The following CDH4 variants were observed in gnomAD, a reference collection of about 807,000 sequenced individuals.
The protein encoded by CDH4 is cadherin-4.
In CDH4, 33 loss-of-function variants were observed where a neutral mutation model predicts 86.0. That is an observed-to-expected ratio of 0.38 (90% confidence interval 0.29 to 0.51). The LOEUF (loss-of-function observed/expected upper bound fraction) is 0.51, where lower values mean the gene tolerates loss of function less well. Ranked by LOEUF, CDH4 falls within the 20% of genes least tolerant of loss-of-function variation. The probability of loss-of-function intolerance (pLI) is 0.86; values close to 1 mark genes in which losing one functional copy is unlikely to be tolerated. For synonymous variants in CDH4, 555 were observed against 549.4 expected (o/e 1.01, Z -0.14); for missense variants, 1,114 against 1,307.4 (o/e 0.85, Z 2.28).
At chr20:61,743,475 C>T in intron 2 of CDH4, 88 bp from the exon 3 acceptor site, 3 of 954,420 alleles carry the variant, frequency 3.1e-6, no homozygotes, top group Non-Finnish European at 4.9e-6. Flanking sequence ...CCACTGGGGG[C>T]CTGTAGGGCG....
intron 8 of CDH4, among the ~76,000 whole-genome samples, chr20:61,896,840 G>C (rs1286172519): frequency 1.3e-5 from 2 of 152,200 alleles, no homozygotes; most frequent in African/African-American, 2.4e-5. Flanking sequence ...GCGCAGCAGG[G>C]CTGCACCCAC....
intron 2 of CDH4, among the ~76,000 whole-genome samples, chr20:61,741,316 G>T (rs910467336): frequency 6.6e-6 from 1 of 152,182 alleles, no homozygotes; most frequent in Non-Finnish European, 1.5e-5. Context: ...CTTTGAGGGC[G>T]CTGTCATCAG....
At chr20:61,649,665 T>C (rs1056357057) in intron 2 of CDH4, among the ~76,000 whole-genome samples, 1 of 152,212 alleles carries the variant, frequency 6.6e-6, no homozygotes, top group Non-Finnish European at 1.5e-5. Flanking sequence ...GGGGGCTCGG[T>C]ATCCACTTTG....
At chr20:61,852,638 A>G in intron 5 of CDH4, 116 bp from the exon 6 acceptor site, 5 of 1,071,304 alleles carry the variant, frequency 4.7e-6, no homozygotes, top group Non-Finnish European at 5.1e-6. Flanking sequence ...CCCGGCCCCT[A>G]TAGCCAACCT....
At chr20:61,932,413 G>C (rs1418353716) in intron 13 of CDH4, among the ~76,000 whole-genome samples, 2 of 152,194 alleles carry the variant, frequency 1.3e-5, no homozygotes. Flanking sequence ...CACGCACACA[G>C]GCATGCATGC....
intron 2 of CDH4, among the ~76,000 whole-genome samples, chr20:61,295,089 A>G (rs912821713): frequency 9.9e-5 from 15 of 152,246 alleles, no homozygotes; most frequent in African/African-American, 3.6e-4. Flanking sequence ...TGTCGAAGGC[A>G]GGGAGTGTCA....
chr20:61,449,350 G>A (rs565634297), intron 2 of CDH4, among the ~76,000 whole-genome samples: 2 of 152,304 alleles, frequency 1.3e-5, no homozygotes, highest in South Asian at 4.1e-4. Flanking sequence ...ACATATTCCT[G>A]ATTCTCATGT....
In CDH4 at chr20:61,895,039, G is replaced by A. The variant is rs149158235; in HGVS notation, c.1180G>A (p.Ala394Thr). Residue 394 changes from alanine to threonine, a missense_variant, in exon 8 of 16, where the codon GCC becomes ACC. Around this residue, in one of 3 missense-constraint regions of CDH4, gnomAD observed 705 missense variants for 914.1 expected, o/e 0.77. Transcript: ENST00000614565. The part of the protein sequence containing the change: ...DVNDNPPEFT[A>T]STFAGEVPEN... ...GAATGACAACCCGCCAGAATTTACC[G>A]CCAGCACGGTGAGTCCCTCGAAGCT... 26 of 1,613,570 alleles carry A rather than the reference G, an allele frequency of 1.6e-5. No homozygotes were observed. Among genetic ancestry groups the A allele is most frequent in the African/African-American group, 4.0e-5 (3 of 74,946 alleles).
intron 2 of CDH4, among the ~76,000 whole-genome samples, chr20:61,345,933 C>T (rs1302600869): frequency 1.3e-5 from 2 of 152,210 alleles, no homozygotes; most frequent in African/African-American, 4.8e-5. Context: ...TGCTGAGCAC[C>T]TGCTGTGGAC....
intron 4 of CDH4, among the ~76,000 whole-genome samples, chr20:61,798,178 C>T (rs1202558500): frequency 1.3e-5 from 2 of 152,148 alleles, no homozygotes; most frequent in African/African-American, 2.4e-5. Flanking sequence ...CCATAACCCC[C>T]GCCCCGCCCG....
At chr20:61,486,541 C>T (rs572072755) in intron 2 of CDH4, among the ~76,000 whole-genome samples, 6 of 152,304 alleles carry the variant, frequency 3.9e-5, no homozygotes, top group Admixed American at 1.3e-4. Flanking sequence ...TTTTAACCAT[C>T]GTTGGAAATA....
rs149140875 is a variant in CDH4, at chr20:61,724,380, C to T, written c.170-19183C>T. ...CAGAACCCCGTGTCCCGCCAAGACT[C>T]CCCATGAAGGCCCTCACTTAGAAAA... On this transcript the variant is annotated intron_variant, in intron 2 of 15. Transcript: ENST00000614565. 4.1e-3 allele frequency among the ~76,000 whole-genome samples: 626 copies of T among 152,308 alleles called. 6 individuals are homozygous for T. Among genetic ancestry groups the T allele is most frequent in the Non-Finnish European group, 6.9e-3 (470 of 68,014 alleles).
intron 8 of CDH4, among the ~76,000 whole-genome samples, chr20:61,898,133 G>A (rs1015287139): frequency 3.9e-5 from 6 of 152,180 alleles, no homozygotes; most frequent in East Asian, 1.9e-4. Context: ...CAGGAGCCCC[G>A]GGACACTGTC....
At chr20:61,792,205 G>A (rs1568818327) in intron 4 of CDH4, among the ~76,000 whole-genome samples, 1 of 152,168 alleles carries the variant, frequency 6.6e-6, no homozygotes, top group African/African-American at 2.4e-5. Context: ...GAGGACTTAG[G>A]GAGAGGCAGG....
chr20:61,528,178 C>A (rs945767914), intron 2 of CDH4, among the ~76,000 whole-genome samples: 2 of 150,108 alleles, frequency 1.3e-5, no homozygotes, highest in Non-Finnish European at 3.0e-5. Context: ...GAGTTCAAGA[C>A]CAGCTTGGCC....
chr20:61,607,084 C>T (rs1244547012), intron 2 of CDH4, among the ~76,000 whole-genome samples: 1 of 152,212 alleles, frequency 6.6e-6, no homozygotes, highest in African/African-American at 2.4e-5. Flanking sequence ...TGTGGTAACA[C>T]CATCACCGTT....
At chr20:61,875,582 C>T (rs1983987554) in intron 7 of CDH4, among the ~76,000 whole-genome samples, 1 of 152,198 alleles carries the variant, frequency 6.6e-6, no homozygotes, top group African/African-American at 2.4e-5. Flanking sequence ...GCAGGATTTA[C>T]ATAAACGTTC....
intron 2 of CDH4, among the ~76,000 whole-genome samples, chr20:61,296,262 CGTGTGTGT>C (rs370558703): frequency 2.2e-5 from 1 of 44,500 alleles, no homozygotes; most frequent in African/African-American, 5.0e-5. Flanking sequence ...TGCATGTGTG[CGTGTGTGT>C]GTGTGCGTGG....
chr20:61,295,025 G>T (rs988220077), intron 2 of CDH4, among the ~76,000 whole-genome samples: 1 of 152,232 alleles, frequency 6.6e-6, no homozygotes, highest in African/African-American at 2.4e-5. Context: ...TGGAGTCTCT[G>T]TCTGGCCTTG....
Sources: allele counts gnomAD v4.1 joint callset (sites outside exome capture counted in the v4.1 genomes callset), GRCh38; gene constraint gnomAD v4.1.1; regional missense constraint gnomAD v4.1.1; transcripts MANE v1.5; gene names NCBI Gene and HGNC (gene_info 2026-07-23, HGNC 2026-07-21).